SPOCK1: variants seen among roughly 807,000 people sequenced by gnomAD.
SPOCK1 encodes the protein SPARC (osteonectin), cwcv and kazal like domains proteoglycan 1, also known as testican-1.
Under a neutral mutation model 55.3 loss-of-function variants are expected in SPOCK1, and 23 were observed. That is an observed-to-expected ratio of 0.42 (90% CI 0.30 to 0.59). The LOEUF is 0.59. SPOCK1 is among the 20% of genes least tolerant of loss of function. The probability of loss-of-function intolerance (pLI) is 0.22; values close to 1 mark genes in which losing one functional copy is unlikely to be tolerated. For synonymous variants in SPOCK1, 226 were observed against 221.0 expected, an observed-to-expected ratio of 1.02 and a Z score of -0.20; for missense variants, 499 against 552.5, an observed-to-expected ratio of 0.90 and a Z score of 0.97.
At chr5:137,472,472 C>T (rs1318466086) in intron 2 of SPOCK1, among the ~76,000 whole-genome samples, 1 of 151,838 alleles carries the variant, frequency 6.6e-6, no homozygotes, top group Non-Finnish European at 1.5e-5. Flanking sequence ...CTCAGTCAGT[C>T]GGGAGAAAAT....
chr5:137,181,148 A>G (rs1754962291), intron 3 of SPOCK1, among the ~76,000 whole-genome samples: 1 of 152,204 alleles, frequency 6.6e-6, no homozygotes, highest in Admixed American at 6.5e-5. Flanking sequence ...CGATGGAAGG[A>G]ATAGTATCAA....
intron 5 of SPOCK1, among the ~76,000 whole-genome samples, chr5:137,105,206 G>C (rs1421284003): frequency 6.6e-6 from 1 of 152,184 alleles, no homozygotes; most frequent in African/African-American, 2.4e-5. Flanking sequence ...GTTCCAGCCT[G>C]TGGATGCACA....
chr5:137,010,183 T>A (rs140086105), intron 6 of SPOCK1, among the ~76,000 whole-genome samples: 1 of 152,070 alleles, frequency 6.6e-6, no homozygotes, highest in Admixed American at 6.6e-5. Flanking sequence ...GTCACATCTA[T>A]ACTCGCCCGA....
chr5:137,239,189 C>CA (rs1311642462), intron 3 of SPOCK1, among the ~76,000 whole-genome samples: 2 of 152,128 alleles, frequency 1.3e-5, no homozygotes, highest in African/African-American at 4.8e-5. Flanking sequence ...ACCATGCCAA[C>CA]AAAACAAAGC....
chr5:137,230,143 C>G (rs1756023683), intron 3 of SPOCK1, among the ~76,000 whole-genome samples: 1 of 152,204 alleles, frequency 6.6e-6, no homozygotes, highest in African/African-American at 2.4e-5. Context: ...TGGCAACAAC[C>G]TAACATAAAC....
chr5:137,494,956 T>C (rs892113999), intron 2 of SPOCK1, among the ~76,000 whole-genome samples: 3 of 152,234 alleles, frequency 2.0e-5, no homozygotes, highest in African/African-American at 7.2e-5. Flanking sequence ...GCATGTCAGC[T>C]AAAGATGGAA....
At chr5:137,374,660 A>C (rs1299910747) in intron 2 of SPOCK1, among the ~76,000 whole-genome samples, 1 of 152,176 alleles carries the variant, frequency 6.6e-6, no homozygotes, top group Non-Finnish European at 1.5e-5. Context: ...CACTGACTAC[A>C]GTGATGACAG....
At chr5:137,241,334 G>A (rs1756275843) in intron 3 of SPOCK1, among the ~76,000 whole-genome samples, 1 of 152,120 alleles carries the variant, frequency 6.6e-6, no homozygotes, top group African/African-American at 2.4e-5. Context: ...CAAACTATAG[G>A]TAAAAGGCTA....
intron 2 of SPOCK1, among the ~76,000 whole-genome samples, chr5:137,443,567 A>G (rs1229306296): frequency 6.6e-6 from 1 of 152,068 alleles, no homozygotes; most frequent in Non-Finnish European, 1.5e-5. Context: ...TTTCAGGTCC[A>G]CACTTGACTC....
intron 3 of SPOCK1, among the ~76,000 whole-genome samples, chr5:137,228,600 G>T (rs11948055): frequency 0.038 from 5,855 of 152,154 alleles, 181 homozygotes; most frequent in East Asian, 0.13. Flanking sequence ...CAGAGATTGG[G>T]CCACTGCACA....
chr5:137,452,878 G>A (rs1561539739), intron 2 of SPOCK1, among the ~76,000 whole-genome samples: 4 of 152,116 alleles, frequency 2.6e-5, no homozygotes, highest in African/African-American at 9.7e-5. Flanking sequence ...TTTTGGTCCT[G>A]GTGCTAGTAT....
Position 137,424,590 on chromosome 5 carries a change from CAAGCTGGAAACAATCCA to C in SPOCK1, c.186+73766_186+73782del, listed in dbSNP as rs1752568787. 6.6e-5 allele frequency among the ~76,000 whole-genome samples: 10 copies of C among 152,290 alleles called. No homozygotes were observed. The Middle Eastern group carries it at 0.02, about 311-fold the overall frequency. On this transcript the variant is annotated intron_variant, in intron 2 of 10. Coordinates refer to ENST00000394945, the MANE Select transcript of SPOCK1 (RefSeq NM_004598.4). ...ATGACAACCCTACTCATAATAGTCT[CAAGCTGGAAACAATCCA>C]GATGGCCATCAACAGGTGAATGGAT...
intron 3 of SPOCK1, among the ~76,000 whole-genome samples, chr5:137,176,594 G>A (rs890244167): frequency 7.9e-5 from 12 of 151,462 alleles, no homozygotes; most frequent in African/African-American, 2.7e-4. Flanking sequence ...TTTATTCATC[G>A]GTAATTAAAA....
At chr5:137,147,970 G>A (rs1009873088) in intron 3 of SPOCK1, among the ~76,000 whole-genome samples, 29 of 152,194 alleles carry the variant, frequency 1.9e-4, no homozygotes, top group Non-Finnish European at 2.1e-4. Context: ...AAGCCTTAAT[G>A]GCAAAGCCAG....
intron 2 of SPOCK1, among the ~76,000 whole-genome samples, chr5:137,294,109 A>T (rs552928575): frequency 1.1e-4 from 17 of 152,314 alleles, no homozygotes; most frequent in South Asian, 1.0e-3. Flanking sequence ...ATGACTGAGG[A>T]ATTGAGCATT....
At chr5:137,331,144 C>T (rs1048337238) in intron 2 of SPOCK1, among the ~76,000 whole-genome samples, 6 of 152,192 alleles carry the variant, frequency 3.9e-5, no homozygotes, top group Non-Finnish European at 5.9e-5. Context: ...TCATGCTACC[C>T]TGTCTAAGGC....
In SPOCK1 at chr5:137,363,503, A is replaced by C. The variant is rs60966635; in HGVS notation, c.187-96448T>G. On this transcript the variant is annotated intron_variant, in intron 2 of 10. Transcript: ENST00000394945. ...TTAAGGGCATAGAACCTGAAGACAGACCTGGACTGGAATCACAGCTCTGCA... is the reference window on the plus strand; with the variant it reads ...TTAAGGGCATAGAACCTGAAGACAGCCCTGGACTGGAATCACAGCTCTGCA... Among the ~76,000 whole-genome samples, 34 of 152,290 alleles carry C rather than the reference A, an allele frequency of 2.2e-4. No homozygotes were observed. In the East Asian group the frequency reaches 3.5e-3, roughly 16 times the overall value.
intron 2 of SPOCK1, among the ~76,000 whole-genome samples, chr5:137,294,019 G>A (rs1757431093): frequency 6.6e-6 from 1 of 152,174 alleles, no homozygotes; most frequent in African/African-American, 2.4e-5. Context: ...ATCTCAAAAA[G>A]TGGTGCTGGA....
chr5:137,487,442 T>C (rs1754083381), intron 2 of SPOCK1, among the ~76,000 whole-genome samples: 1 of 151,462 alleles, frequency 6.6e-6, no homozygotes, highest in South Asian at 2.1e-4. Context: ...TCAGACTCCC[T>C]CTGTGGTTCC....
Sources: allele counts gnomAD v4.1 joint callset (sites outside exome capture counted in the v4.1 genomes callset), GRCh38; gene constraint gnomAD v4.1.1; transcripts MANE v1.5; gene names NCBI Gene and HGNC (gene_info 2026-07-23, HGNC 2026-07-21).